The following DOCK5 variants were observed in gnomAD, a reference collection of about 807,000 sequenced individuals.
DOCK5 encodes dedicator of cytokinesis protein 5.
A neutral mutation model predicts 251.8 loss-of-function variants in DOCK5; 142 were observed. That is an observed-to-expected ratio of 0.56 (90% confidence interval 0.49 to 0.65). The LOEUF is 0.65. Ranked by LOEUF, DOCK5 falls within the 30% of genes least tolerant of loss-of-function variation. The probability of loss-of-function intolerance (pLI) is 0.00; values close to 1 mark genes in which losing one functional copy is unlikely to be tolerated. For synonymous variants in DOCK5, 842 were observed against 835.5 expected (o/e 1.01, Z -0.13); for missense variants, 2,111 against 2,312.3 (o/e 0.91, Z 1.79).
In DOCK5 at chr8:25,389,251, G is replaced by T. The variant is rs1192836942; in HGVS notation, c.4273+19G>T. The stretch of plus-strand genomic sequence containing the variant: ...AAGCAGTGTATCCTTTCCGGGGGGA[G>T]TATGGCCCCGAGGCTCTTATGGCTG... On this transcript the variant is annotated intron_variant, in intron 41 of 51. Transcript: ENST00000276440. 6.2e-7 allele frequency: 1 copy of T among 1,610,244 alleles called. No homozygotes were observed.
intron 1 of DOCK5, among the ~76,000 whole-genome samples, chr8:25,236,234 T>C (rs1263524413): frequency 2.0e-5 from 3 of 152,218 alleles, no homozygotes; most frequent in African/African-American, 7.2e-5. Context: ...GTAGAGCTGA[T>C]GTCCTAACCT....
intron 2 of DOCK5, among the ~76,000 whole-genome samples, chr8:25,252,692 G>C (rs114466189): frequency 0.012 from 1,840 of 152,306 alleles, 35 homozygotes; most frequent in African/African-American, 0.042. Context: ...GTGGCAGTAG[G>C]AGGGTGTTTA....
chr8:25,376,248 A>G, intron 37 of DOCK5: 1 of 985,234 alleles, frequency 1.0e-6, no homozygotes, highest in Non-Finnish European at 1.2e-6. Flanking sequence ...AGGAAGGTAA[A>G]CTCTCCTATC....
Position 25,246,704 on chromosome 8 carries a change from T to TCGTGTGTGTGTGTG in DOCK5, c.127+2947_127+2948insCGTGTGTGTGTGTG, listed in dbSNP as rs1414412892. On this transcript the variant is annotated intron_variant, in intron 2 of 51. Coordinates refer to ENST00000276440, the MANE Select transcript of DOCK5 (RefSeq NM_024940.8). ...GGTAATTCTTCACTGCCATGTTAGT[T>TCGTGTGTGTGTGTG]TGTGTGTGTGTGTGTGTGTGTGTGT... Among the ~76,000 whole-genome samples, 11 of 89,606 alleles carry TCGTGTGTGTGTGTG rather than the reference T, an allele frequency of 1.2e-4. 1 individual carries two copies. The highest frequency in any genetic ancestry group is 4.4e-4 in the African/African-American group (11 of 25,262). 58.8% of individuals were successfully genotyped at this position (89,606 alleles called of 152,430 possible).
At chr8:25,310,259 G>A (rs1332023373) in intron 12 of DOCK5, 148 bp from the exon 13 acceptor site, 2 of 720,464 alleles carry the variant, frequency 2.8e-6, no homozygotes, top group Admixed American at 3.6e-5. Flanking sequence ...TAATGGAAGT[G>A]TCATTAAAAT....
In DOCK5 at chr8:25,251,845, C is replaced by T. The variant is rs193276008; in HGVS notation, c.127+8088C>T. 6.3e-3 allele frequency among the ~76,000 whole-genome samples: 963 copies of T among 152,134 alleles called. 3 individuals carry two copies. The highest frequency in any genetic ancestry group is 9.8e-3 in the Non-Finnish European group (666 of 68,004). On this transcript the variant is annotated intron_variant, in intron 2 of 51. Transcript: ENST00000276440. ...CTCTACTAAAGATACAAAAATTAGC[C>T]GGGCATGGTGGTGTGCACCCATAAT...
chr8:25,275,091 A>G (rs1804009752), intron 3 of DOCK5, among the ~76,000 whole-genome samples: 1 of 152,156 alleles, frequency 6.6e-6, no homozygotes, highest in Non-Finnish European at 1.5e-5. Flanking sequence ...AGGAGTTCAC[A>G]ATTACACTCC....
chr8:25,198,045 G>A (rs533226962), intron 1 of DOCK5, among the ~76,000 whole-genome samples: 22 of 152,148 alleles, frequency 1.4e-4, no homozygotes, highest in Middle Eastern at 3.4e-3. Flanking sequence ...GCACTGTGCC[G>A]GTGTCTTTGT....
At chr8:25,221,457 C>G (rs1054308397) in intron 1 of DOCK5, among the ~76,000 whole-genome samples, 1 of 152,192 alleles carries the variant, frequency 6.6e-6, no homozygotes, top group South Asian at 2.1e-4. Context: ...TACAGGCGCC[C>G]GCCACCATGC....
intron 5 of DOCK5, among the ~76,000 whole-genome samples, chr8:25,290,905 A>G (rs2117149518): frequency 6.6e-6 from 1 of 152,364 alleles, no homozygotes; most frequent in East Asian, 1.9e-4. Flanking sequence ...TGAAGAAATC[A>G]GAATTACCAG....
intron 5 of DOCK5, among the ~76,000 whole-genome samples, chr8:25,279,987 A>T (rs1169334473): frequency 2.0e-5 from 3 of 151,204 alleles, no homozygotes; most frequent in Non-Finnish European, 3.0e-5. Flanking sequence ...CTGGTCTTGA[A>T]CTCCTGACCT....
At chr8:25,405,211 T>C (rs2117342112) in intron 48 of DOCK5, among the ~76,000 whole-genome samples, 1 of 152,210 alleles carries the variant, frequency 6.6e-6, no homozygotes, top group East Asian at 1.9e-4. Flanking sequence ...TTTTATGACT[T>C]CTGGGTTTTA....
chr8:25,261,732 C>T (rs1187369747), intron 2 of DOCK5, among the ~76,000 whole-genome samples: 1 of 152,190 alleles, frequency 6.6e-6, no homozygotes, highest in African/African-American at 2.4e-5. Context: ...ATTTCCCTTA[C>T]CCCAGAAAAT....
intron 2 of DOCK5, among the ~76,000 whole-genome samples, chr8:25,256,659 A>AG (rs1377581822): frequency 6.6e-6 from 1 of 151,196 alleles, no homozygotes; most frequent in African/African-American, 2.4e-5. Flanking sequence ...AAAAAAAAAA[A>AG]GAATCTGTTA....
chr8:25,377,314 A>C lies in DOCK5; in HGVS notation c.3826A>C (p.Lys1276Gln). The change falls in exon 38 of 52, where the codon AAG becomes CAG. Residue 1276 changes from lysine to glutamine, a missense_variant. Lys to Gln is a moderately conservative substitution (Grantham distance 53). Around this residue, in one of 3 missense-constraint regions of DOCK5, gnomAD observed 1,717 missense variants for 1,892.4 expected, o/e 0.91. Transcript: ENST00000276440. ...LHAELLQWSD[K>Q]PCVPHLLQKD... ...TTTTCTTCCTTTTCAGTGGTCTGAC[A>C]AGCCCTGTGTGCCTCATTTGCTTCA... 6.2e-7 allele frequency: 1 copy of C among 1,612,752 alleles called. No individual in the cohort carries two copies. The highest frequency in any genetic ancestry group is 2.2e-5 in the East Asian group (1 of 44,866).
At chr8:25,343,647 G>A (rs1016951929) in intron 25 of DOCK5, among the ~76,000 whole-genome samples, 2 of 152,158 alleles carry the variant, frequency 1.3e-5, no homozygotes, top group Non-Finnish European at 2.9e-5. Context: ...AAAACCAGGG[G>A]ACAGGGAAAC....
At chr8:25,245,246 C>T (rs914964961) in intron 2 of DOCK5, among the ~76,000 whole-genome samples, 4 of 151,976 alleles carry the variant, frequency 2.6e-5, no homozygotes, top group Admixed American at 6.6e-5. Context: ...TTAGTAGAGA[C>T]GGAGTTTCAC....
intron 5 of DOCK5, among the ~76,000 whole-genome samples, chr8:25,284,026 C>T (rs79208914): frequency 6.6e-4 from 101 of 152,202 alleles, no homozygotes; most frequent in Non-Finnish European, 2.2e-4. Flanking sequence ...CTGGCTTCTC[C>T]CTTACTGGGT....
intron 4 of DOCK5, among the ~76,000 whole-genome samples, chr8:25,275,774 C>G (rs763365632): frequency 2.8e-4 from 43 of 152,074 alleles, no homozygotes; most frequent in African/African-American, 1.0e-3. Flanking sequence ...AGGCAGAGCT[C>G]GCAGTGAGCT....
Sources: gnomAD v4.1 joint callset for allele counts (sites outside exome capture counted in the v4.1 genomes callset) on GRCh38, gnomAD v4.1.1 for gene constraint, gnomAD v4.1.1 regional missense constraint, MANE v1.5 for transcripts, NCBI Gene and HGNC (gene_info 2026-07-23, HGNC 2026-07-21) for gene names.